RCE1: variants seen among roughly 807,000 people sequenced by gnomAD.
RCE1 encodes the protein CAAX prenyl protease 2.
RCE1 carries 15 observed loss-of-function variants against 35.0 expected under a neutral mutation model. The ratio of observed to expected loss-of-function variants is 0.43; its 90% CI spans 0.29 to 0.66. RCE1 has a LOEUF of 0.66. Among genes scored for constraint, RCE1 ranks in the 30% least tolerant of loss-of-function variants. The pLI, the probability that RCE1 is intolerant of heterozygous loss-of-function variation, is 0.17. For missense variants in RCE1, 434 were observed against 433.0 expected (o/e 1.00, Z -0.02); for synonymous variants, 261 against 192.7 (o/e 1.35, Z -2.94).
Position 66,844,968 on chromosome 11 carries a change from T to C in RCE1, c.551T>C (p.Leu184Pro). The C allele has an allele frequency of 6.2e-7, 1 of 1,607,334 alleles. No homozygotes were observed. Among genetic ancestry groups the C allele is most frequent in the East Asian group, 2.2e-5 (1 of 44,816 alleles). ...TEELVFRACM[L>P]PMLAPCMGLG... ...GAGCTGGTGTTCCGGGCCTGTATGC[T>C]GCCCATGTTAGCACCGTGCATGGGC... is the stretch of plus-strand genomic sequence containing the variant. Residue 184 changes from leucine to proline, a missense_variant, in exon 5 of 8, where the codon CTG (leucine) becomes CCG (proline). Leu to Pro is a moderately conservative substitution (Grantham distance 98). Coordinates refer to ENST00000309657, the MANE Select transcript of RCE1 (RefSeq NM_005133.3).
chr11:66,845,383 G>A, intron 6 of RCE1, 117 bp from the exon 7 acceptor site: 3 of 1,579,452 alleles, frequency 1.9e-6, no homozygotes, highest in East Asian at 2.3e-5. Flanking sequence ...TGTAGGTGGT[G>A]GGGCAGGCAG....
intron 7 of RCE1, 69 bp from the exon 8 acceptor site, chr11:66,845,791 G>A (rs1945199178): frequency 7.7e-6 from 12 of 1,558,264 alleles, no homozygotes; most frequent in African/African-American, 4.1e-5. Flanking sequence ...GGGGATGAGG[G>A]TCACTAGCCC....
intron 4 of RCE1, 184 bp from the exon 5 acceptor site, chr11:66,844,685 C>A: frequency 1.1e-6 from 1 of 948,250 alleles, no homozygotes. Flanking sequence ...TCAGCTAATG[C>A]CTTCCATTCA....
intron 7 of RCE1, 88 bp from the exon 8 acceptor site, chr11:66,845,772 C>T (rs1265363045): frequency 6.5e-7 from 1 of 1,528,654 alleles, no homozygotes; most frequent in Non-Finnish European, 8.8e-7. Context: ...ATCTTGATCT[C>T]CTGTTTCAGG....
chr11:66,844,882 G>C lies in RCE1; in HGVS notation c.465G>C (p.Trp155Cys), dbSNP rs1945175188. The part of the protein sequence containing the change: ...GLKVVLAPRS[W>C]ARCLTDMRWL... ...TTCCCTCTGCAGCCCCCCGCTCCTG[G>C]GCCCGCTGCCTCACAGACATGCGTT... The change falls in exon 5 of 8, where the codon TGG (tryptophan) becomes TGC (cysteine). Residue 155 changes from tryptophan to cysteine, a missense_variant. Coordinates refer to ENST00000309657, the MANE Select transcript of RCE1 (RefSeq NM_005133.3). 1 of 1,545,380 alleles carries C rather than the reference G, an allele frequency of 6.5e-7. No individual in the cohort carries two copies.
At position 66,843,584 on chromosome 11, in the gene RCE1, C is replaced by T. The variant is rs978890118; in HGVS notation, c.129C>T (p.Leu43=). ...GCTGGGTGTCAGTGTTCTCCTGCCT[C>T]AGCCTCGCCTGCTCCTACGTGGGCA... ...LCCWVSVFSC[L]SLACSYVGSL... Residue 43 remains leucine (L), a synonymous_variant, in exon 1 of 8, where the codon CTC becomes CTT. Transcript: ENST00000309657. The T allele has an allele frequency of 1.9e-6, 3 of 1,586,988 alleles. No individual in the cohort carries two copies. Among genetic ancestry groups the T allele is most frequent in the Non-Finnish European group, 2.6e-6 (3 of 1,173,944 alleles).
Position 66,843,808 on chromosome 11 carries a change from T to G in RCE1, c.235T>G (p.Ser79Ala). The stretch of plus-strand genomic sequence containing the variant: ...ACGCTTCACCAGCGTCCTGGTGGTG[T>G]CCAGTCTCTCACCCCTGTGCGTGCT... Reference protein sequence around the residue: ...KRRFTSVLVVSSLSPLCVLLW... With the variant: ...KRRFTSVLVVASLSPLCVLLW... Residue 79 changes from serine (S) to alanine (A), a missense_variant, in exon 2 of 8, where the codon TCC becomes GCC. Ser to Ala is a moderately conservative substitution (Grantham distance 99, BLOSUM62 1). Coordinates refer to ENST00000309657, the MANE Select transcript of RCE1 (RefSeq NM_005133.3). The G allele has an allele frequency of 6.2e-7, 1 of 1,613,978 alleles. No individual in the cohort carries two copies. Among genetic ancestry groups the G allele is most frequent in the Non-Finnish European group, 8.5e-7 (1 of 1,180,010 alleles).
In RCE1 at chr11:66,846,305, G is replaced by C. The variant is rs570137743; in HGVS notation, c.*210G>C. The C allele has an allele frequency of 5.1e-6, 3 of 593,428 alleles. No homozygotes were observed. The Admixed American group carries it at 1.1e-4, about 22-fold the overall frequency. 36.8% of individuals were successfully genotyped at this position (593,428 alleles called of 1,614,324 possible). A position where few individuals can be genotyped will look rare whatever the true frequency, so the allele number is the denominator to read the frequency against. ...CTTTTGAAAGGGGTGTTTACGAGCA[G>C]CTGTGAGTGAGGGGACAAGGGGCAG... On this transcript the variant is annotated 3_prime_UTR_variant, in exon 8 of 8. Transcript: ENST00000309657.
rs990948311 is a variant in RCE1 at position 66,843,470 on chromosome 11, C to A, written c.15C>A (p.Gly5=). 4 of 1,424,950 alleles carry A rather than the reference C, an allele frequency of 2.8e-6. No homozygotes were observed. In the African/African-American group the frequency reaches 6.1e-5, roughly 22 times the overall value. The allele number at this position is 1,424,950 out of a possible 1,614,324, so 88.3% of individuals were successfully genotyped here. The change falls in exon 1 of 8, where the codon GGC becomes GGA. Residue 5 remains glycine, a synonymous_variant. Coordinates refer to ENST00000309657, the MANE Select transcript of RCE1 (RefSeq NM_005133.3). MAAL[G]GDGLRLLSVS... Reference sequence around the variant, plus strand: ...GTCAGGGCGCAATGGCGGCGCTGGGCGGGGATGGGCTGCGACTGCTGTCGG... The same window carrying A: ...GTCAGGGCGCAATGGCGGCGCTGGGAGGGGATGGGCTGCGACTGCTGTCGG...
chr11:66,844,679 C>A, intron 4 of RCE1, 190 bp from the exon 5 acceptor site: 1 of 923,700 alleles, frequency 1.1e-6, no homozygotes, highest in Non-Finnish European at 1.6e-6. Flanking sequence ...CTTGCCTCAG[C>A]TAATGCCTTC....
Position 66,844,336 on chromosome 11 carries a change from C to A in RCE1, c.423C>A (p.Asp141Glu), listed in dbSNP as rs752514049. The A allele has an allele frequency of 6.2e-6, 10 of 1,614,022 alleles. No individual in the cohort carries two copies. The African/African-American group carries it at 1.3e-4, about 22-fold the overall frequency. ...LMQLSMDCPC[D>E]LADGLKVVLA... ...AGCTCTCTATGGATTGCCCTTGTGA[C>A]CTGGCAGATGGGCTGAAGGTTGTCC... Residue 141 changes from aspartate to glutamate, a missense_variant, in exon 4 of 8, where the codon GAC becomes GAA. Physicochemically the swap from Asp to Glu is conservative, Grantham distance 45. Transcript: ENST00000309657.
rs1430434638 is a variant in RCE1, at chr11:66,846,109, A to G, written c.*14A>G. 29 of 1,590,230 alleles carry G rather than the reference A, an allele frequency of 1.8e-5. No individual in the cohort carries two copies. Among genetic ancestry groups the G allele is most frequent in the Non-Finnish European group, 2.5e-5 (29 of 1,169,488 alleles). On this transcript the variant is annotated 3_prime_UTR_variant, in exon 8 of 8. Transcript: ENST00000309657. ...CTGTGCTCCTGACCTATGCTCCTGG[A>G]TACGCTATGAACTCTCACCGGCTCC... is the stretch of plus-strand genomic sequence containing the variant.
intron 4 of RCE1, chr11:66,844,665 T>C: frequency 1.2e-6 from 1 of 839,618 alleles, no homozygotes; most frequent in Non-Finnish European, 1.8e-6. Flanking sequence ...ACTTCCAGGA[T>C]GCCCTTGCCT....
In RCE1 at chr11:66,844,830, A is replaced by G. The variant is rs200522940; in HGVS notation, c.452-39A>G. 504 of 1,502,992 alleles carry G rather than the reference A, an allele frequency of 3.4e-4. 6 individuals carry two copies. In the African/African-American group the frequency reaches 6.1e-3, roughly 18 times the overall value. 93.1% of individuals were successfully genotyped at this position (1,502,992 alleles called of 1,614,324 possible). On this transcript the variant is annotated intron_variant, in intron 4 of 7. Transcript: ENST00000309657. ...AGCCTCTGGGGTCTCACTGTCTGAC[A>G]GCCCGTCACTCACAGCTTGTCCTGA...
Position 66,843,623 on chromosome 11 carries a change from G to A in RCE1, c.168G>A (p.Trp56Ter), listed in dbSNP as rs768281122. ...CCTACGTGGGCAGCCTCTACGTCTG[G>A]AAGAGCGAACTGCCCAGGTGCGGGG... ...ACSYVGSLYVWKSELPRDHPA... is the reference protein window; with the variant it reads ...ACSYVGSLYV The change falls in exon 1 of 8, where the codon TGG becomes TGA. Residue 56 changes from tryptophan (W) to a stop codon, truncating the protein, a stop_gained. Coordinates refer to ENST00000309657, the MANE Select transcript of RCE1 (RefSeq NM_005133.3). LOFTEE classifies it high-confidence loss of function. 6.2e-7 allele frequency: 1 copy of A among 1,601,230 alleles called. No individual in the cohort carries two copies. Among genetic ancestry groups the A allele is most frequent in the South Asian group, 1.1e-5 (1 of 90,232 alleles).
At chr11:66,845,356 T>C in intron 6 of RCE1, 119 bp downstream of exon 6, 2 of 1,581,582 alleles carry the variant, frequency 1.3e-6, no homozygotes, top group Non-Finnish European at 1.7e-6. Flanking sequence ...CCGTGGGAAG[T>C]TGGGGTGCAG....
chr11:66,843,574 TCTC>T lies in RCE1; in HGVS notation c.122_124del (p.Ser41del), dbSNP rs1175387753. ...GGGCTGTGCTGCTGGGTGTCAGTGT[TCTC>T]CTGCCTCAGCCTCGCCTGCTCCTAC... On this transcript the variant is annotated inframe_deletion, in exon 1 of 8. Transcript: ENST00000309657. 1.9e-6 allele frequency: 3 copies of T among 1,582,006 alleles called. No individual in the cohort carries two copies. The highest frequency in any genetic ancestry group is 2.6e-6 in the Non-Finnish European group (3 of 1,172,080).
rs773141242 is a variant in RCE1 at position 66,845,178 on chromosome 11, A to G, written c.632A>G (p.His211Arg). ...ACCTTTTTCCCAGCCCATTTTCACC[A>G]TATTATTGAGCAGCTGCGTTTCCGC... ...PLFFGVAHFH[H>R]IIEQLRFRQS... is the part of the protein sequence containing the mutation. The change falls in exon 6 of 8, where the codon CAT (histidine) becomes CGT (arginine). Residue 211 changes from histidine (H) to arginine (R), a missense_variant. By Grantham distance (29) the His-to-Arg change is conservative. Transcript: ENST00000309657. 6.2e-7 allele frequency: 1 copy of G among 1,614,198 alleles called. No individual in the cohort carries two copies. Among genetic ancestry groups the G allele is most frequent in the Admixed American group, 1.7e-5 (1 of 60,018 alleles).
chr11:66,844,158 G>C, intron 3 of RCE1, 119 bp downstream of exon 3: 1 of 1,588,236 alleles, frequency 6.3e-7, no homozygotes, highest in Non-Finnish European at 8.6e-7. Flanking sequence ...GATGGCCCCA[G>C]GGTCCTCCGG....
Sources: gnomAD v4.1 joint callset for allele counts on GRCh38, gnomAD v4.1.1 for gene constraint, MANE v1.5 for transcripts, NCBI Gene and HGNC (gene_info 2026-07-23, HGNC 2026-07-21) for gene names.